The following MBNL1 variants were observed in gnomAD, a reference collection of about 807,000 sequenced individuals.
MBNL1 encodes muscleblind like splicing regulator 1, also known as muscleblind-like protein 1.
Under a neutral mutation model 42.2 loss-of-function variants are expected in MBNL1, and 8 were observed. The observed-to-expected ratio is 0.19, with a 90% CI of 0.11 to 0.34. MBNL1 has a LOEUF of 0.34. Ranked by LOEUF, MBNL1 falls within the 10% of genes least tolerant of loss-of-function variation. The pLI is 1.00. For missense variants in MBNL1, 309 were observed against 495.3 expected, an observed-to-expected ratio of 0.62 and a Z score of 3.57; for synonymous variants, 169 against 173.9, an observed-to-expected ratio of 0.97 and a Z score of 0.22.
chr3:152,410,887 C>T (rs2098549665), intron 2 of MBNL1, among the ~76,000 whole-genome samples: 1 of 152,184 alleles, frequency 6.6e-6, no homozygotes, highest in African/African-American at 2.4e-5. Context: ...GGTTTTGCTA[C>T]CTGTATTATT....
intron 2 of MBNL1, among the ~76,000 whole-genome samples, chr3:152,320,818 A>G (rs1222170675): frequency 6.6e-6 from 1 of 151,784 alleles, no homozygotes; most frequent in Non-Finnish European, 1.5e-5. Context: ...TTTATTATCA[A>G]ACTAATAGCA....
intron 2 of MBNL1, among the ~76,000 whole-genome samples, chr3:152,412,696 C>T (rs948578343): frequency 3.3e-5 from 5 of 152,036 alleles, no homozygotes; most frequent in African/African-American, 9.7e-5. Flanking sequence ...TATTTCAGTC[C>T]AGGCTATGTT....
intron 2 of MBNL1, among the ~76,000 whole-genome samples, chr3:152,254,587 A>G (rs889246925): frequency 6.6e-5 from 10 of 151,942 alleles, no homozygotes; most frequent in Non-Finnish European, 5.9e-5. Flanking sequence ...TCTATTTTTG[A>G]TCTTGAAATG....
At chr3:152,421,750 C>A (rs1473370490) in intron 3 of MBNL1, among the ~76,000 whole-genome samples, 2 of 152,164 alleles carry the variant, frequency 1.3e-5, no homozygotes, top group African/African-American at 2.4e-5. Context: ...AGAAACCCTA[C>A]AAGCCAGAAG....
chr3:152,401,692 A>G (rs1426550503), intron 2 of MBNL1, among the ~76,000 whole-genome samples: 2 of 152,122 alleles, frequency 1.3e-5, no homozygotes, highest in Non-Finnish European at 2.9e-5. Context: ...AAACTATACT[A>G]TAGTCCAGTG....
chr3:152,386,699 T>C (rs2097443177), intron 2 of MBNL1, among the ~76,000 whole-genome samples: 1 of 152,024 alleles, frequency 6.6e-6, no homozygotes, highest in South Asian at 2.1e-4. Context: ...GCTTGCACAC[T>C]GAAAATAGCA....
At chr3:152,399,600 C>G (rs758668138) in intron 2 of MBNL1, among the ~76,000 whole-genome samples, 7 of 152,012 alleles carry the variant, frequency 4.6e-5, no homozygotes, top group Non-Finnish European at 7.4e-5. Flanking sequence ...GCAGCCTCAA[C>G]TTCTTGGGCT....
intron 2 of MBNL1, among the ~76,000 whole-genome samples, chr3:152,360,883 C>T (rs189374253): frequency 1.3e-4 from 20 of 152,042 alleles, no homozygotes; most frequent in Non-Finnish European, 2.4e-4. Context: ...CTAGATTTTG[C>T]GATTCTTAGA....
chr3:152,404,590 A>C (rs890325662), intron 2 of MBNL1, among the ~76,000 whole-genome samples: 4 of 151,908 alleles, frequency 2.6e-5, no homozygotes, highest in Admixed American at 2.6e-4. Context: ...TCCTTTAGTT[A>C]CTTTTATATT....
intron 2 of MBNL1, among the ~76,000 whole-genome samples, chr3:152,371,419 A>C (rs983802593): frequency 2.6e-5 from 4 of 152,062 alleles, no homozygotes; most frequent in Non-Finnish European, 4.4e-5. Context: ...CCAACATGGG[A>C]AAACTCCATC....
chr3:152,387,123 A>G (rs2097470400), intron 2 of MBNL1, among the ~76,000 whole-genome samples: 1 of 152,050 alleles, frequency 6.6e-6, no homozygotes, highest in Non-Finnish European at 1.5e-5. Context: ...GGTAATTTTA[A>G]TATTATATAA....
intron 2 of MBNL1, among the ~76,000 whole-genome samples, chr3:152,315,705 CT>C (rs1386662267): frequency 6.6e-6 from 1 of 152,062 alleles, no homozygotes; most frequent in African/African-American, 2.4e-5. Flanking sequence ...TGAATGTTAC[CT>C]TTTGTTTTAG....
intron 1 of MBNL1, among the ~76,000 whole-genome samples, chr3:152,279,570 CTTATACTCTGT>C (rs1353217625): frequency 1.3e-5 from 2 of 150,212 alleles, no homozygotes; most frequent in African/African-American, 4.9e-5. Context: ...TTGACAAATG[CTTATACTCTGT>C]TTCTTGGATT....
intron 3 of MBNL1, among the ~76,000 whole-genome samples, chr3:152,418,714 CTTTTTTTTTTT>C (rs35606256): frequency 1.7e-5 from 2 of 118,696 alleles, no homozygotes; most frequent in Admixed American, 8.4e-5. Flanking sequence ...TCTTAACAAT[CTTTTTTTTTTT>C]TTTTTTTTTG....
At chr3:152,289,454 G>A (rs1013990853) in intron 1 of MBNL1, among the ~76,000 whole-genome samples, 1 of 151,992 alleles carries the variant, frequency 6.6e-6, no homozygotes, top group African/African-American at 2.4e-5. Context: ...GAAAATAGGA[G>A]TTGTCAATGC....
At chr3:152,373,319 T>A (rs1578944534) in intron 2 of MBNL1, among the ~76,000 whole-genome samples, 2 of 145,164 alleles carry the variant, frequency 1.4e-5, no homozygotes, top group Admixed American at 1.4e-4. Context: ...GTCGCTGGCC[T>A]TCCAGGTGTC....
At chr3:152,399,217 T>C (rs1242320597) in intron 2 of MBNL1, among the ~76,000 whole-genome samples, 1 of 152,196 alleles carries the variant, frequency 6.6e-6, no homozygotes, top group African/African-American at 2.4e-5. Context: ...TTCTGAAATT[T>C]GGTATAAAAT....
At chr3:152,390,588 G>T (rs1286903842) in intron 2 of MBNL1, among the ~76,000 whole-genome samples, 7 of 147,138 alleles carry the variant, frequency 4.8e-5, no homozygotes, top group African/African-American at 1.8e-4. Flanking sequence ...CATGTATTTT[G>T]TACTGTACAT....
At chr3:152,395,701 T>G (rs1393650110) in intron 2 of MBNL1, among the ~76,000 whole-genome samples, 1 of 152,236 alleles carries the variant, frequency 6.6e-6, no homozygotes, top group East Asian at 1.9e-4. Flanking sequence ...GTTCTTAACC[T>G]GGCATTTGAC....
Sources: gnomAD v4.1 joint callset for allele counts (sites outside exome capture counted in the v4.1 genomes callset) on GRCh38, gnomAD v4.1.1 for gene constraint, MANE v1.5 for transcripts, NCBI Gene and HGNC (gene_info 2026-07-23, HGNC 2026-07-21) for gene names.